XRCC5: variants seen among roughly 807,000 people sequenced by gnomAD.
The protein encoded by XRCC5 is DNA repair protein Ku80.
In XRCC5, 12 loss-of-function variants were observed where a neutral mutation model predicts 95.7. The observed-to-expected ratio is 0.13, with a 90% CI of 0.08 to 0.20. The LOEUF (loss-of-function observed/expected upper bound fraction) is 0.20, where lower values mean the gene tolerates loss of function less well. Among genes scored for constraint, XRCC5 ranks in the 10% least tolerant of loss-of-function variants. XRCC5 has a pLI of 1.00. For synonymous variants in XRCC5, 281 were observed against 290.3 expected (o/e 0.97, Z 0.33); for missense variants, 595 against 873.9 (o/e 0.68, Z 4.02).
Position 216,162,017 on chromosome 2 carries a change from A to G in XRCC5, c.1803A>G (p.Leu601=), listed in dbSNP as rs55942608. 2.5e-5 allele frequency: 40 copies of G among 1,614,080 alleles called. No individual in the cohort carries two copies. The African/African-American group carries it at 4.9e-4, about 20-fold the overall frequency. The change falls in exon 16 of 21, where the codon CTA becomes CTG. Residue 601 remains leucine, a synonymous_variant. Transcript: ENST00000392132. The part of the protein sequence containing the change: ...SVNPAENFRV[L]VKQKKASFEE... The stretch of plus-strand genomic sequence containing the variant: ...ATCCTGCTGAAAACTTCCGTGTTCT[A>G]GTGAAACAGAAGAAGGCCAGCTTTG...
chr2:216,170,327 T>A (rs1433320865), intron 16 of XRCC5, among the ~76,000 whole-genome samples: 4 of 152,152 alleles, frequency 2.6e-5, no homozygotes, highest in Non-Finnish European at 4.4e-5. Flanking sequence ...ATGTGCTGAG[T>A]AATTTTTCTC....
chr2:216,175,119 A>C, intron 16 of XRCC5: 1 of 340,360 alleles, frequency 2.9e-6, no homozygotes, highest in African/African-American at 2.2e-5. Flanking sequence ...ATCCTTCACC[A>C]CTATCCCCAT....
At chr2:216,161,343 T>C (rs1688947713) in intron 15 of XRCC5, among the ~76,000 whole-genome samples, 1 of 152,132 alleles carries the variant, frequency 6.6e-6, no homozygotes. Flanking sequence ...GGCCAGCAGA[T>C]TAAAAACATA....
At position 216,156,596 on chromosome 2, in the gene XRCC5, A is replaced by G. The variant is rs999763017; in HGVS notation, c.1671-3472A>G. 9.7e-5 allele frequency: 56 copies of G among 578,308 alleles called. 1 individual carries two copies. In the Middle Eastern group the frequency reaches 1.8e-3, roughly 18 times the overall value. 35.8% of individuals were successfully genotyped at this position (578,308 alleles called of 1,614,324 possible). On this transcript the variant is annotated intron_variant, in intron 14 of 20. Transcript: ENST00000392132. ...ATGGTACTCACGAACTTGTGCCAGT[A>G]GAAGACCTGGACTTAACTTCTTTGC... is the stretch of plus-strand genomic sequence containing the variant.
At chr2:216,153,378 T>C (rs2106022429) in intron 14 of XRCC5, among the ~76,000 whole-genome samples, 1 of 152,348 alleles carries the variant, frequency 6.6e-6, no homozygotes, top group Admixed American at 6.5e-5. Context: ...TGTGTTGATA[T>C]TCTGTAGAAT....
Position 216,155,970 on chromosome 2 carries a change from T to G in XRCC5, c.1671-4098T>G, listed in dbSNP as rs144503399. On this transcript the variant is annotated intron_variant, in intron 14 of 20. Transcript: ENST00000392132. The stretch of plus-strand genomic sequence containing the variant: ...TTTGAATGACTGAATTCCCTATACC[T>G]GAGGTCCCCCTTTAAAAAGCTCACC... Among the ~76,000 whole-genome samples, 668 of 152,274 alleles carry G rather than the reference T, an allele frequency of 4.4e-3. 3 individuals are homozygous for G. The highest frequency in any genetic ancestry group is 0.015 in the African/African-American group (644 of 41,564).
At chr2:216,148,565 G>A (rs1226344590) in intron 14 of XRCC5, among the ~76,000 whole-genome samples, 1 of 152,134 alleles carries the variant, frequency 6.6e-6, no homozygotes, top group Non-Finnish European at 1.5e-5. Context: ...ATTCAGATAA[G>A]TTTCTGAATA....
chr2:216,161,842 A>G, intron 15 of XRCC5, 137 bp from the exon 16 acceptor site: 1 of 715,890 alleles, frequency 1.4e-6, no homozygotes, highest in Non-Finnish European at 2.4e-6. Context: ...AATGAAAATG[A>G]ATAGAAAAGC....
intron 9 of XRCC5, chr2:216,131,328 T>C: frequency 3.2e-6 from 3 of 939,124 alleles, no homozygotes; most frequent in Non-Finnish European, 3.8e-6. Context: ...AAAGTGCTCA[T>C]AATGTCTCAA....
chr2:216,175,904 C>T (rs1428852514), intron 16 of XRCC5: 3 of 405,874 alleles, frequency 7.4e-6, no homozygotes, highest in Non-Finnish European at 1.4e-5. Context: ...AAAGCTCAGA[C>T]CACCAATAAA....
chr2:216,200,138 C>CTGT (rs2106053798), intron 19 of XRCC5, among the ~76,000 whole-genome samples: 1 of 152,228 alleles, frequency 6.6e-6, no homozygotes, highest in Non-Finnish European at 1.5e-5. Flanking sequence ...CAGATGCCCG[C>CTGT]TGTAGTCGCC....
intron 12 of XRCC5, among the ~76,000 whole-genome samples, chr2:216,140,556 AT>A (rs992707458): frequency 2.2e-4 from 33 of 152,296 alleles, no homozygotes; most frequent in African/African-American, 7.7e-4. Context: ...AGGATGTCGT[AT>A]TTCTGCTCTC....
chr2:216,167,523 C>T (rs207923), intron 16 of XRCC5, among the ~76,000 whole-genome samples: 37,996 of 150,324 alleles, frequency 0.25, 6,010 homozygotes, highest in Non-Finnish European at 0.37. Context: ...AGTGAACCTT[C>T]GAGAATTGTG....
chr2:216,157,358 C>G (rs758433560), intron 14 of XRCC5, among the ~76,000 whole-genome samples: 8 of 151,966 alleles, frequency 5.3e-5, no homozygotes, highest in Non-Finnish European at 1.0e-4. Flanking sequence ...CTCAGCCTTT[C>G]GAGTAGCTGG....
chr2:216,175,407 G>A, intron 16 of XRCC5: 1 of 516,654 alleles, frequency 1.9e-6, no homozygotes, highest in Non-Finnish European at 3.9e-6. Flanking sequence ...TCACCTCTGT[G>A]ATCCTGCAGA....
intron 16 of XRCC5, among the ~76,000 whole-genome samples, chr2:216,173,475 CTG>C (rs1288601187): frequency 6.6e-6 from 1 of 152,138 alleles, no homozygotes; most frequent in Non-Finnish European, 1.5e-5. Context: ...ATTGAGATGA[CTG>C]TGATTTTTAT....
chr2:216,116,089 G>C (rs1696690538), intron 2 of XRCC5, among the ~76,000 whole-genome samples: 1 of 152,102 alleles, frequency 6.6e-6, no homozygotes. Context: ...ACTGGAGTAT[G>C]ATATTTCGTT....
At chr2:216,187,397 T>G (rs1055231103) in intron 16 of XRCC5, among the ~76,000 whole-genome samples, 2 of 151,938 alleles carry the variant, frequency 1.3e-5, no homozygotes, top group Non-Finnish European at 2.9e-5. Context: ...CCTGTATCGT[T>G]GCAAATGGAT....
intron 13 of XRCC5, among the ~76,000 whole-genome samples, chr2:216,141,650 T>G (rs1226854118): frequency 6.8e-6 from 1 of 147,584 alleles, no homozygotes; most frequent in African/African-American, 2.5e-5. Context: ...CATAGCTCAC[T>G]ATAGCCTCAA....
Sources: allele counts gnomAD v4.1 joint callset (sites outside exome capture counted in the v4.1 genomes callset), GRCh38; gene constraint gnomAD v4.1.1; transcripts MANE v1.5; gene names NCBI Gene and HGNC (gene_info 2026-07-23, HGNC 2026-07-21).